The following RSRP1 variants were observed in gnomAD, a reference collection of about 807,000 sequenced individuals.
RSRP1 encodes arginine/serine-rich protein 1.
RSRP1 carries 37 observed loss-of-function variants against 33.0 expected under a neutral mutation model. The observed-to-expected ratio is 1.12, with a 90% CI of 0.86 to 1.48. The LOEUF is 1.48. RSRP1 is among the 40% of genes most tolerant of loss of function. The probability of loss-of-function intolerance (pLI) is 0.00; values close to 1 mark genes in which losing one functional copy is unlikely to be tolerated. For synonymous variants in RSRP1, 167 were observed against 158.7 expected (o/e 1.05, Z -0.40); for missense variants, 402 against 385.3 (o/e 1.04, Z -0.36).
chr1:25,250,385 G>A (rs1639737959), upstream of RSRP1, among the ~76,000 whole-genome samples: 1 of 152,150 alleles, frequency 6.6e-6, no homozygotes, highest in Admixed American at 6.5e-5. Flanking sequence ...AACTAAAATG[G>A]AGTCTGTCCG....
Position 25,242,589 on chromosome 1 carries a change from T to C in RSRP1, c.873A>G (p.Ter291=). ...AAACTTAGCCATCAGTTTTCTTCTT[T>C]TAGATAGGTATCCACAGTCCATATG... is the stretch of plus-strand genomic sequence containing the variant. ...KSPYGLWIPI[*] Residue 291 remains the stop codon, a stop_retained_variant, in exon 5 of 5, where the codon TAA becomes TAG. Coordinates refer to ENST00000243189, the MANE Select transcript of RSRP1 (RefSeq NM_020317.5). The C allele has an allele frequency of 6.4e-7, 1 of 1,565,342 alleles. No homozygotes were observed. Among genetic ancestry groups the C allele is most frequent in the Non-Finnish European group, 8.7e-7 (1 of 1,148,356 alleles).
At position 25,302,458 on chromosome 1, in the gene RSRP1, G is replaced by A. The variant is rs1438577659; in HGVS notation, c.-67+35520C>T. Among the ~76,000 whole-genome samples the A allele has an allele frequency of 1.5e-5, 2 of 129,626 alleles. 1 individual carries two copies. The highest frequency in any genetic ancestry group is 3.6e-5 in the Non-Finnish European group (2 of 55,064). 85.0% of individuals were successfully genotyped at this position (129,626 alleles called of 152,430 possible). ...GCTTCACAGCAGAATTCAGTGCTAA[G>A]AGGAAGTGAGTGGCCATGAGTTCCA... is the stretch of plus-strand genomic sequence containing the variant. On this transcript the variant is annotated intron_variant, in intron 1 of 1. Transcript: ENST00000561867.
At chr1:25,257,655 A>G (rs551611359) in intron 1 of RSRP1, among the ~76,000 whole-genome samples, 4 of 143,296 alleles carry the variant, frequency 2.8e-5, no homozygotes, top group Non-Finnish European at 4.5e-5. Flanking sequence ...GGTTGAGTGC[A>G]CTGGTGCAGT....
chr1:25,250,737 G>C (rs539123315), upstream of RSRP1, among the ~76,000 whole-genome samples: 6 of 152,140 alleles, frequency 3.9e-5, no homozygotes, highest in Non-Finnish European at 8.8e-5. Context: ...CGGGCCAGGC[G>C]CGGTGGCTCA....
At position 25,271,974 on chromosome 1, in the gene RSRP1, T is replaced by C. The variant is rs564061399; in HGVS notation, c.-66-24945A>G. Among the ~76,000 whole-genome samples the C allele has an allele frequency of 1.6e-4, 21 of 132,658 alleles. 6 individuals are homozygous for C. The highest frequency in any genetic ancestry group is 5.4e-4 in the African/African-American group (21 of 39,064). 87.0% of individuals were successfully genotyped at this position (132,658 alleles called of 152,430 possible). A position where few individuals can be genotyped will look rare whatever the true frequency, so the allele number is the denominator to read the frequency against. On this transcript the variant is annotated intron_variant, in intron 1 of 1. Transcript: ENST00000561867. ...AAATTCAAATGTAAGTAATTTCAAC[T>C]GTGTAACTATGAGGAGTCAGTTCTA...
Position 25,307,988 on chromosome 1 carries a change from T to C in RSRP1, c.-67+29990A>G, listed in dbSNP as rs1001890617. ...CCCTCTGAAAGATGAGGACTTGACC[T>C]AGCAAGGTCCTACTCACATGCCTGT... On this transcript the variant is annotated intron_variant, in intron 1 of 1. Coordinates refer to the RSRP1 transcript ENST00000561867. Among the ~76,000 whole-genome samples, 2 of 125,062 alleles carry C rather than the reference T, an allele frequency of 1.6e-5. 1 individual carries two copies. The highest frequency in any genetic ancestry group is 1.6e-4 in the Admixed American group (2 of 12,698). 82.0% of individuals were successfully genotyped at this position (125,062 alleles called of 152,430 possible).
chr1:25,247,146 G>A (rs966001383), intron 1 of RSRP1, 117 bp from the exon 2 acceptor site: 2 of 649,312 alleles, frequency 3.1e-6, no homozygotes, highest in African/African-American at 1.8e-5. Context: ...GGCGACCGCC[G>A]CGACAGGAAC....
chr1:25,261,092 A>C (rs1339766488), intron 1 of RSRP1, among the ~76,000 whole-genome samples: 1 of 151,434 alleles, frequency 6.6e-6, no homozygotes, highest in Non-Finnish European at 1.5e-5. Context: ...GAGCCACCGC[A>C]CCCGGCCTCT....
chr1:25,245,264 TG>T lies in RSRP1; in HGVS notation c.557del (p.Ala186GlufsTer5). On this transcript the variant is annotated frameshift_variant, in exon 3 of 5. Coordinates refer to ENST00000243189, the MANE Select transcript of RSRP1 (RefSeq NM_020317.5). LOFTEE classifies it high-confidence loss of function. ...TGTTGGTTGTTCCTAGAGCTTTCGC[TG>T]CATTGGTTTTTGCTATTTCTAACAG... is the stretch of plus-strand genomic sequence containing the variant. Reference protein sequence around the residue: ...MELLEIAKTNAAKALGTTNID... With the variant: ...MELLEIAKTNXAKALGTTNID... 2.5e-6 allele frequency: 4 copies of T among 1,614,044 alleles called. No individual in the cohort carries two copies. The highest frequency in any genetic ancestry group is 3.4e-6 in the Non-Finnish European group (4 of 1,180,014).
chr1:25,272,289 A>G (rs1234799385), intron 1 of RSRP1: 1 of 467,454 alleles, frequency 2.1e-6, no homozygotes, highest in East Asian at 3.2e-5. Context: ...AACTGAGCAC[A>G]GCAGGAACCT....
chr1:25,260,845 T>G (rs1640113188), intron 1 of RSRP1, among the ~76,000 whole-genome samples: 1 of 151,732 alleles, frequency 6.6e-6, no homozygotes, highest in Admixed American at 6.6e-5. Context: ...TCGCCCAGGC[T>G]GGAGTGCAGT....
At chr1:25,254,675 C>T (rs191202796) in intron 1 of RSRP1, among the ~76,000 whole-genome samples, 164 of 152,232 alleles carry the variant, frequency 1.1e-3, no homozygotes, top group Non-Finnish European at 2.0e-3. Flanking sequence ...ATCTCGTGAT[C>T]TGCCCACCTC....
intron 1 of RSRP1, among the ~76,000 whole-genome samples, chr1:25,319,592 G>C (rs1253616620): frequency 7.6e-6 from 1 of 132,156 alleles, no homozygotes; most frequent in African/African-American, 2.6e-5. Context: ...CTGGACAACA[G>C]AGCAAGACCC....
At chr1:25,304,878 T>A (rs1643675504) in intron 1 of RSRP1, 1 of 131,966 alleles carries the variant, frequency 7.6e-6, no homozygotes, top group Non-Finnish European at 1.8e-5. Context: ...ATCATCAGTC[T>A]CAGCGCCCAT....
Position 25,279,631 on chromosome 1 carries a change from G to A in RSRP1, c.-66-32602C>T, listed in dbSNP as rs530857263. ...CCTACCTGAGGCTGTTGTGGGCTAA[G>A]TCTGTAAGGCACGTAGAACAGTGCC... is the stretch of plus-strand genomic sequence containing the variant. On this transcript the variant is annotated intron_variant, in intron 1 of 1. Transcript: ENST00000561867. 3.3e-4 allele frequency among the ~76,000 whole-genome samples: 42 copies of A among 125,888 alleles called. 4 individuals carry two copies. The highest frequency in any genetic ancestry group is 1.0e-3 in the African/African-American group (37 of 35,768). 82.6% of individuals were successfully genotyped at this position (125,888 alleles called of 152,430 possible).
chr1:25,303,501 G>A (rs747890232), intron 1 of RSRP1: 1 of 1,375,132 alleles, frequency 7.3e-7, no homozygotes, highest in South Asian at 1.2e-5. Flanking sequence ...TTGGCTGAAG[G>A]CCAGCAGGAC....
At chr1:25,280,605 C>CTTT (rs71014346) in intron 1 of RSRP1, among the ~76,000 whole-genome samples, 7 of 60,748 alleles carry the variant, frequency 1.2e-4, no homozygotes, top group African/African-American at 3.3e-4. Context: ...TGTGCCTGGC[C>CTTT]TTTTTTTTTT....
rs1275029025 is a variant in RSRP1 at position 25,292,659 on chromosome 1, G to A, written c.-67+45319C>T. On this transcript the variant is annotated intron_variant, in intron 1 of 1. Transcript: ENST00000561867. Reference sequence around the variant, plus strand: ...GTTAGGGTTAAGGTTGGGGGAGGGGGGGTAGAGATGTGTATGAAACATCCC... The same window carrying A: ...GTTAGGGTTAAGGTTGGGGGAGGGGAGGTAGAGATGTGTATGAAACATCCC... Among the ~76,000 whole-genome samples, 2 of 129,404 alleles carry A rather than the reference G, an allele frequency of 1.5e-5. 1 individual carries two copies. The highest frequency in any genetic ancestry group is 3.7e-5 in the Non-Finnish European group (2 of 54,664). The allele number at this position is 129,404 out of a possible 152,430, so 84.9% of individuals were successfully genotyped here.
chr1:25,273,642 C>G lies in RSRP1; in HGVS notation c.-66-26613G>C, dbSNP rs921023469. ...ATTTTATATTCAGCTAAAAATATTC[C>G]CAGACTGTGATGAGACAACTGTAAA... On this transcript the variant is annotated intron_variant, in intron 1 of 1. Transcript: ENST00000561867. Among the ~76,000 whole-genome samples the G allele has an allele frequency of 3.2e-3, 352 of 109,618 alleles. 76 individuals carry two copies. Among genetic ancestry groups the G allele is most frequent in the Non-Finnish European group, 6.2e-3 (283 of 46,004 alleles). The allele number at this position is 109,618 out of a possible 152,430, so 71.9% of individuals were successfully genotyped here.
Sources: gnomAD v4.1 joint callset for allele counts (sites outside exome capture counted in the v4.1 genomes callset) on GRCh38, gnomAD v4.1.1 for gene constraint, MANE v1.5 for transcripts, NCBI Gene and HGNC (gene_info 2026-07-23, HGNC 2026-07-21) for gene names.